Variants in TUBB4B observed in about 807,000 individuals in gnomAD.
The protein encoded by TUBB4B is tubulin beta-4B chain.
Under a neutral mutation model 34.3 loss-of-function variants are expected in TUBB4B, and 7 were observed. The observed-to-expected ratio is 0.20, with a 90% confidence interval of 0.12 to 0.38. TUBB4B has a LOEUF of 0.38. Among genes scored for constraint, TUBB4B ranks in the 10% least tolerant of loss-of-function variants. The pLI is 1.00. For synonymous variants in TUBB4B, 390 were observed against 250.2 expected, an observed-to-expected ratio of 1.56 and a Z score of -5.27; for missense variants, 178 against 610.9, an observed-to-expected ratio of 0.29 and a Z score of 7.47.
intron 1 of TUBB4B, 112 bp from the exon 2 acceptor site, chr9:137,241,598 CGGGGCGGGGGA>C (rs1009718313): frequency 7.8e-5 from 31 of 397,456 alleles, no homozygotes; most frequent in Admixed American, 3.8e-4. Context: ...CCAGGGCGCG[CGGGGCGGGGGA>C]GGGGCGGGGA....
At chr9:137,242,278 C>T (rs1020761795) in intron 3 of TUBB4B, 8 of 676,462 alleles carry the variant, frequency 1.2e-5, no homozygotes, top group Non-Finnish European at 2.0e-5. Context: ...TGGCAGTGGC[C>T]CCCCCGGGGA....
At chr9:137,242,441 T>G (rs1441310217) in intron 3 of TUBB4B, 55 bp from the exon 4 acceptor site, 2 of 1,576,402 alleles carry the variant, frequency 1.3e-6, no homozygotes, top group African/African-American at 2.7e-5. Context: ...CGCATGGCGG[T>G]GACCAGTAGT....
At position 137,243,179 on chromosome 9, in the gene TUBB4B, A is replaced by G; in HGVS notation, c.961A>G (p.Met321Val). The G allele has an allele frequency of 6.2e-7, 1 of 1,613,140 alleles. No individual in the cohort carries two copies. Among genetic ancestry groups the G allele is most frequent in the Non-Finnish European group, 8.5e-7 (1 of 1,179,964 alleles). The change falls in exon 4 of 4, where the codon ATG becomes GTG. Residue 321 changes from methionine to valine, a missense_variant. Transcript: ENST00000340384. Reference protein sequence around the residue: ...LTVAAVFRGRMSMKEVDEQML... With the variant: ...LTVAAVFRGRVSMKEVDEQML... ...GGTTGCCGCCGTGTTCAGGGGCCGC[A>G]TGTCCATGAAGGAGGTGGATGAGCA...
chr9:137,241,757 C>T lies in TUBB4B; in HGVS notation c.94C>T (p.Pro32Ser), dbSNP rs760675158. Residue 32 changes from proline to serine, a missense_variant, in exon 2 of 4, where the codon CCC becomes TCC. Coordinates refer to ENST00000340384, the MANE Select transcript of TUBB4B (RefSeq NM_006088.6). ...GATCAGCGATGAGCACGGCATCGAC[C>T]CCACGGGCACCTACCACGGGGACAG... ...EVISDEHGIDPTGTYHGDSDL... is the reference protein window; with the variant it reads ...EVISDEHGIDSTGTYHGDSDL... The T allele has an allele frequency of 1.6e-5, 26 of 1,612,102 alleles. 1 individual carries two copies. In the South Asian group the frequency reaches 2.5e-4, roughly 16 times the overall value.
intron 3 of TUBB4B, 78 bp from the exon 4 acceptor site, chr9:137,242,418 A>G: frequency 6.5e-7 from 1 of 1,528,318 alleles, no homozygotes. Context: ...ACACCATGTC[A>G]CTCGGCTTTT....
In TUBB4B at chr9:137,242,863, A is replaced by C. The variant is rs1472833390; in HGVS notation, c.645A>C (p.Leu215=). The C allele has an allele frequency of 1.2e-6, 2 of 1,613,548 alleles. No individual in the cohort carries two copies. Among genetic ancestry groups the C allele is most frequent in the Admixed American group, 1.7e-5 (1 of 60,020 alleles). The change falls in exon 4 of 4, where the codon CTA becomes CTC. Residue 215 remains leucine, a synonymous_variant. Coordinates refer to ENST00000340384, the MANE Select transcript of TUBB4B (RefSeq NM_006088.6). ...EALYDICFRT[L]KLTTPTYGDL... is the part of the protein sequence containing the mutation. ...TCTACGACATTTGCTTCAGAACCCT[A>C]AAGCTGACCACGCCCACCTATGGTG...
chr9:137,242,459 A>G lies in TUBB4B; in HGVS notation c.278-37A>G, dbSNP rs769266944. On this transcript the variant is annotated intron_variant, in intron 3 of 3. Transcript: ENST00000340384. The stretch of plus-strand genomic sequence containing the variant: ...ATGGCGGTGACCAGTAGTGCTGTCT[A>G]CCTGGCTGACAAATGATTAGCTGTG... 8 of 1,596,988 alleles carry G rather than the reference A, an allele frequency of 5.0e-6. No individual in the cohort carries two copies. In the African/African-American group the frequency reaches 8.0e-5, roughly 16 times the overall value.
chr9:137,243,155 G>GT lies in TUBB4B; in HGVS notation c.939dup (p.Ala314CysfsTer15). The GT allele has an allele frequency of 6.2e-7, 1 of 1,613,078 alleles. No homozygotes were observed. Among genetic ancestry groups the GT allele is most frequent in the Non-Finnish European group, 8.5e-7 (1 of 1,180,012 alleles). ...CCCCCGCCATGGCCGCTACCTGACG[G>GT]TTGCCGCCGTGTTCAGGGGCCGCAT... On this transcript the variant is annotated frameshift_variant, in exon 4 of 4. Coordinates refer to ENST00000340384, the MANE Select transcript of TUBB4B (RefSeq NM_006088.6). LOFTEE classifies it high-confidence loss of function.
At chr9:137,242,127 CTCTGA>C (rs1836760527) in intron 3 of TUBB4B, 106 bp downstream of exon 3, 1 of 1,099,982 alleles carries the variant, frequency 9.1e-7, no homozygotes, top group African/African-American at 1.6e-5. Flanking sequence ...CCCTCCTCTT[CTCTGA>C]GCCACTCAAT....
rs1434980247 is a variant in TUBB4B, at chr9:137,243,025, C to G, written c.807C>G (p.Gly269=). Reference sequence around the variant, plus strand: ...CCCGGCTGCACTTCTTCATGCCCGGCTTTGCCCCACTGACCAGCCGGGGCA... The same window carrying G: ...CCCGGCTGCACTTCTTCATGCCCGGGTTTGCCCCACTGACCAGCCGGGGCA... ...PFPRLHFFMP[G]FAPLTSRGSQ... Residue 269 remains glycine (G), a synonymous_variant, in exon 4 of 4, where the codon GGC becomes GGG. Transcript: ENST00000340384. The G allele has an allele frequency of 3.1e-6, 5 of 1,612,770 alleles. No individual in the cohort carries two copies. The highest frequency in any genetic ancestry group is 3.4e-6 in the Non-Finnish European group (4 of 1,180,030).
In TUBB4B at chr9:137,242,995, G is replaced by C. The variant is rs761166665; in HGVS notation, c.777G>C (p.Pro259=). 1 of 1,612,890 alleles carries C rather than the reference G, an allele frequency of 6.2e-7. No homozygotes were observed. The highest frequency in any genetic ancestry group is 8.5e-7 in the Non-Finnish European group (1 of 1,180,016). Residue 259 remains proline, a synonymous_variant, in exon 4 of 4, where the codon CCG becomes CCC. Coordinates refer to ENST00000340384, the MANE Select transcript of TUBB4B (RefSeq NM_006088.6). The part of the protein sequence containing the change: ...DLRKLAVNMV[P]FPRLHFFMPG... ...GGAAGCTGGCTGTGAACATGGTCCC[G>C]TTTCCCCGGCTGCACTTCTTCATGC...
At chr9:137,242,097 G>A in intron 3 of TUBB4B, 76 bp downstream of exon 3, 1 of 1,442,574 alleles carries the variant, frequency 6.9e-7, no homozygotes, top group Non-Finnish European at 9.4e-7. Context: ...TGGGAACTGC[G>A]CAGCCGGGGC....
At position 137,242,881 on chromosome 9, in the gene TUBB4B, C is replaced by G; in HGVS notation, c.663C>G (p.Thr221=). 1 of 1,613,420 alleles carries G rather than the reference C, an allele frequency of 6.2e-7. No individual in the cohort carries two copies. The highest frequency in any genetic ancestry group is 1.3e-5 in the African/African-American group (1 of 75,068). The change falls in exon 4 of 4, where the codon ACC becomes ACG. Residue 221 remains threonine, a synonymous_variant. Transcript: ENST00000340384. ...CFRTLKLTTP[T]YGDLNHLVSA... ...GAACCCTAAAGCTGACCACGCCCAC[C>G]TATGGTGACCTGAACCACCTGGTGT...
chr9:137,242,290 G>A (rs1047267430), intron 3 of TUBB4B: 2 of 699,828 alleles, frequency 2.9e-6, no homozygotes, highest in African/African-American at 3.6e-5. Flanking sequence ...CCCCGGGGAG[G>A]GGTTTGTTAA....
In TUBB4B at chr9:137,243,397, C is replaced by T. The variant is rs1439984175; in HGVS notation, c.1179C>T (p.Ala393=). 2.5e-6 allele frequency: 4 copies of T among 1,613,626 alleles called. No homozygotes were observed. Among genetic ancestry groups the T allele is most frequent in the Non-Finnish European group, 3.4e-6 (4 of 1,180,044 alleles). The change falls in exon 4 of 4, where the codon GCC becomes GCT. Residue 393 remains alanine (A), a synonymous_variant. Coordinates refer to ENST00000340384, the MANE Select transcript of TUBB4B (RefSeq NM_006088.6). ...TCACGGCCATGTTCCGGCGCAAGGC[C>T]TTCCTGCACTGGTACACGGGCGAGG... ...EQFTAMFRRK[A]FLHWYTGEGM... is the part of the protein sequence containing the mutation.
At chr9:137,242,179 C>A in intron 3 of TUBB4B, 158 bp downstream of exon 3, 4 of 779,514 alleles carry the variant, frequency 5.1e-6, no homozygotes, top group Non-Finnish European at 8.1e-6. Flanking sequence ...CAAGGTCCAG[C>A]TGTCTGCCGA....
Position 137,241,969 on chromosome 9 carries a change from C to G in TUBB4B, c.225C>G (p.Ser75=). The G allele has an allele frequency of 1.2e-6, 2 of 1,611,210 alleles. No homozygotes were observed. Among genetic ancestry groups the G allele is most frequent in the Non-Finnish European group, 1.7e-6 (2 of 1,179,730 alleles). ...ATCTGGAGCCCGGCACCATGGACTC[C>G]GTGCGCTCGGGGCCCTTCGGGCAGA... ...LVDLEPGTMD[S]VRSGPFGQIF... is the part of the protein sequence containing the mutation. The change falls in exon 3 of 4, where the codon TCC becomes TCG. Residue 75 remains serine (S), a synonymous_variant. Transcript: ENST00000340384.
intron 1 of TUBB4B, 67 bp downstream of exon 1, chr9:137,241,484 T>G (rs1836739628): frequency 1.6e-6 from 2 of 1,278,758 alleles, no homozygotes. Flanking sequence ...CCGGGGAAGA[T>G]GGCGGCAGCA....
rs370341505 is a variant in TUBB4B at position 137,241,340 on chromosome 9, C to CCCGCCGCCGCCG, written c.-15_-4dup. 3.8e-6 allele frequency: 6 copies of CCCGCCGCCGCCG among 1,590,700 alleles called. No homozygotes were observed. The East Asian group carries it at 6.9e-5, about 18-fold the overall frequency. On this transcript the variant is annotated 5_prime_UTR_variant, in exon 1 of 4. Transcript: ENST00000340384. ...CTGTTTGTCTACTTCCTCCTGCTTC[C>CCCGCCGCCGCCG]CCGCCGCCGCCGCCGCCATCATGAG...
Sources: gnomAD v4.1 joint callset for allele counts on GRCh38, gnomAD v4.1.1 for gene constraint, MANE v1.5 for transcripts, NCBI Gene and HGNC (gene_info 2026-07-23, HGNC 2026-07-21) for gene names.